LHFPL3: variants seen among roughly 807,000 people sequenced by gnomAD.
LHFPL3 encodes LHFPL tetraspan subfamily member 3, also known as LHFPL tetraspan subfamily member 3 protein.
LHFPL3 carries 5 observed loss-of-function variants against 19.3 expected under a neutral mutation model. The observed-to-expected ratio is 0.26, with a 90% CI of 0.14 to 0.54. The LOEUF is 0.54. LHFPL3 is among the 20% of genes least tolerant of loss of function. LHFPL3 has a pLI of 0.94. For missense variants in LHFPL3, 249 were observed against 307.4 expected, an observed-to-expected ratio of 0.81 and a Z score of 1.42; for synonymous variants, 133 against 126.2, an observed-to-expected ratio of 1.05 and a Z score of -0.36.
chr7:104,879,164 C>T (rs553602752), intron 2 of LHFPL3, among the ~76,000 whole-genome samples: 1 of 152,166 alleles, frequency 6.6e-6, no homozygotes. Context: ...CACCTGTAAT[C>T]CCAGCATTTT....
intron 1 of LHFPL3, among the ~76,000 whole-genome samples, chr7:104,419,702 T>C (rs1424922866): frequency 6.6e-6 from 1 of 152,184 alleles, no homozygotes; most frequent in Non-Finnish European, 1.5e-5. Flanking sequence ...GTTCCAGACT[T>C]GGGATTCTTC....
At chr7:104,563,616 G>T (rs1029292983) in intron 1 of LHFPL3, among the ~76,000 whole-genome samples, 1 of 152,274 alleles carries the variant, frequency 6.6e-6, no homozygotes, top group Non-Finnish European at 1.5e-5. Flanking sequence ...CGGTACCTCA[G>T]ATGGAAATGC....
chr7:104,805,753 C>T (rs1463462262), intron 2 of LHFPL3, among the ~76,000 whole-genome samples: 1 of 152,178 alleles, frequency 6.6e-6, no homozygotes. Flanking sequence ...CAGATTTATG[C>T]TTTCTTATGG....
chr7:104,519,546 T>C (rs551155806), intron 1 of LHFPL3, among the ~76,000 whole-genome samples: 1 of 152,276 alleles, frequency 6.6e-6, no homozygotes, highest in South Asian at 2.1e-4. Flanking sequence ...GAAGGGAAAC[T>C]GGCACCTTTA....
intron 2 of LHFPL3, among the ~76,000 whole-genome samples, chr7:104,868,987 A>G (rs1791783051): frequency 6.6e-6 from 1 of 152,230 alleles, no homozygotes; most frequent in African/African-American, 2.4e-5. Context: ...ACAATTCCCT[A>G]TTTAATAAAT....
intron 2 of LHFPL3, among the ~76,000 whole-genome samples, chr7:104,884,981 G>T (rs1256649298): frequency 6.6e-6 from 1 of 152,138 alleles, no homozygotes; most frequent in Non-Finnish European, 1.5e-5. Flanking sequence ...AGGTCAGCAG[G>T]CAGGGGAGAG....
chr7:104,409,862 C>G (rs1791500488), intron 1 of LHFPL3, among the ~76,000 whole-genome samples: 4 of 151,960 alleles, frequency 2.6e-5, no homozygotes, highest in Admixed American at 1.3e-4. Flanking sequence ...CAACAGATTT[C>G]TTTTTAGAGA....
chr7:104,425,314 C>G (rs1011396107), intron 1 of LHFPL3, among the ~76,000 whole-genome samples: 2 of 152,092 alleles, frequency 1.3e-5, no homozygotes, highest in Non-Finnish European at 2.9e-5. Context: ...AGATGTGAAC[C>G]TAAGTGTTTA....
At position 104,830,255 on chromosome 7, in the gene LHFPL3, C is replaced by G. The variant is rs570667626; in HGVS notation, c.683-75932C>G. 1.1e-4 allele frequency among the ~76,000 whole-genome samples: 16 copies of G among 151,826 alleles called. 1 individual carries two copies. Among genetic ancestry groups the G allele is most frequent in the African/African-American group, 3.9e-4 (16 of 41,130 alleles). Reference sequence around the variant, plus strand: ...AGCCCTTTGTCAGATGGGTAGGTTGCGAAAATTTTCTCCCATTTTGTAGGT... The same window carrying G: ...AGCCCTTTGTCAGATGGGTAGGTTGGGAAAATTTTCTCCCATTTTGTAGGT... On this transcript the variant is annotated intron_variant, in intron 2 of 2. Coordinates refer to ENST00000424859, the MANE Select transcript of LHFPL3 (RefSeq NM_199000.3).
intron 1 of LHFPL3, among the ~76,000 whole-genome samples, chr7:104,682,049 T>C (rs1401289775): frequency 6.6e-6 from 1 of 152,184 alleles, no homozygotes; most frequent in Non-Finnish European, 1.5e-5. Context: ...AATTAATACT[T>C]ACAAAAAAAG....
rs545273511 is a variant in LHFPL3, at chr7:104,401,823, C to T, written c.445+72599C>T. Among the ~76,000 whole-genome samples the T allele has an allele frequency of 1.6e-4, 25 of 152,164 alleles. No individual in the cohort carries two copies. The South Asian group carries it at 4.8e-3, about 29-fold the overall frequency. On this transcript the variant is annotated intron_variant, in intron 1 of 2. Coordinates refer to ENST00000424859, the MANE Select transcript of LHFPL3 (RefSeq NM_199000.3). ...GCCATTGATGTTTGAGCGGCTCAGC[C>T]GTGCACCCCTCATTAAGAGAAACAT...
At chr7:104,600,694 G>A (rs1790946202) in intron 1 of LHFPL3, among the ~76,000 whole-genome samples, 1 of 152,192 alleles carries the variant, frequency 6.6e-6, no homozygotes, top group Non-Finnish European at 1.5e-5. Context: ...CAAAGCCAAG[G>A]ACAAAGATCT....
chr7:104,558,168 A>G (rs1242214903), intron 1 of LHFPL3, among the ~76,000 whole-genome samples: 32 of 151,352 alleles, frequency 2.1e-4, no homozygotes, highest in Non-Finnish European at 4.4e-4. Context: ...TAGCAGCATG[A>G]TTTATAGTCC....
At chr7:104,512,929 G>A (rs952675884) in intron 1 of LHFPL3, among the ~76,000 whole-genome samples, 21 of 152,166 alleles carry the variant, frequency 1.4e-4, no homozygotes, top group African/African-American at 5.1e-4. Flanking sequence ...GCTCTTGGCT[G>A]GTTAAACAGC....
chr7:104,562,086 C>T (rs530881446), intron 1 of LHFPL3, among the ~76,000 whole-genome samples: 23 of 151,882 alleles, frequency 1.5e-4, no homozygotes, highest in African/African-American at 5.3e-4. Context: ...TTGAGGGTAA[C>T]CCGACCTTTC....
chr7:104,368,970 T>C (rs1403738836), intron 1 of LHFPL3, among the ~76,000 whole-genome samples: 1 of 152,228 alleles, frequency 6.6e-6, no homozygotes, highest in Non-Finnish European at 1.5e-5. Context: ...TTCTATAAAC[T>C]TATTTTATAT....
chr7:104,592,240 C>G (rs1790739885), intron 1 of LHFPL3, among the ~76,000 whole-genome samples: 2 of 152,026 alleles, frequency 1.3e-5, no homozygotes, highest in South Asian at 4.2e-4. Context: ...CTGGTTTCTC[C>G]CCATGTTTGT....
intron 2 of LHFPL3, among the ~76,000 whole-genome samples, chr7:104,869,700 A>G (rs1791795282): frequency 6.6e-6 from 1 of 152,316 alleles, no homozygotes; most frequent in Non-Finnish European, 1.5e-5. Flanking sequence ...TCAGGGATCT[A>G]GAACTAGAAA....
intron 2 of LHFPL3, among the ~76,000 whole-genome samples, chr7:104,842,442 C>T (rs956589344): frequency 6.6e-6 from 1 of 152,118 alleles, no homozygotes; most frequent in Non-Finnish European, 1.5e-5. Flanking sequence ...TGCCATTGAA[C>T]ACTTGACTAA....
Sources: gnomAD v4.1 joint callset for allele counts (sites outside exome capture counted in the v4.1 genomes callset) on GRCh38, gnomAD v4.1.1 for gene constraint, MANE v1.5 for transcripts, NCBI Gene and HGNC (gene_info 2026-07-23, HGNC 2026-07-21) for gene names.